The following DNAH12 variants were observed in gnomAD, a reference collection of about 807,000 sequenced individuals.
DNAH12 encodes the protein axonemal beta dynein heavy chain 12.
A neutral mutation model predicts 371.5 loss-of-function variants in DNAH12; 285 were observed. The ratio of observed to expected loss-of-function variants is 0.77; its 90% CI spans 0.70 to 0.85. The LOEUF is 0.85. DNAH12 is among the 40% of genes least tolerant of loss of function. The probability of loss-of-function intolerance (pLI) is 0.00; values close to 1 mark genes in which losing one functional copy is unlikely to be tolerated. For missense variants in DNAH12, 3,611 were observed against 3,689.4 expected (o/e 0.98, Z 0.55); for synonymous variants, 1,200 against 1,213.0 (o/e 0.99, Z 0.22).
chr3:57,374,797 A>G (rs1283581116), intron 55 of DNAH12, among the ~76,000 whole-genome samples: 14 of 152,132 alleles, frequency 9.2e-5, no homozygotes, highest in African/African-American at 3.4e-4. Context: ...ACCCAATAAC[A>G]TATACATTAT....
At chr3:57,439,782 T>C (rs1049923876) in intron 29 of DNAH12, among the ~76,000 whole-genome samples, 8 of 151,888 alleles carry the variant, frequency 5.3e-5, no homozygotes, top group African/African-American at 1.9e-4. Context: ...ATTCACAAAT[T>C]ATGCATCCAG....
At chr3:57,316,092 T>A (rs1363146323) in intron 65 of DNAH12, among the ~76,000 whole-genome samples, 2 of 151,824 alleles carry the variant, frequency 1.3e-5, no homozygotes, top group Non-Finnish European at 2.9e-5. Context: ...AAAAAACTTT[T>A]AAACATTAAA....
At position 57,323,501 on chromosome 3, in the gene DNAH12, A is replaced by C; in HGVS notation, c.10097T>G (p.Phe3366Cys). ...AGGATCTGCTCCTGGAGATAGAACA[A>C]AAATTAAGGGAATGGTGCAATTTGA... ...LDSNCTIPLI[F>C]VLSPGADPMA... The change falls in exon 63 of 74, where the codon TTT becomes TGT. Residue 3366 changes from phenylalanine (F) to cysteine (C), a missense_variant. By Grantham distance (205) the Phe-to-Cys change is radical. Coordinates refer to ENST00000495027, the MANE Select transcript of DNAH12 (RefSeq NM_001366028.2). 1 of 1,550,510 alleles carries C rather than the reference A, an allele frequency of 6.4e-7. No individual in the cohort carries two copies. The highest frequency in any genetic ancestry group is 8.7e-7 in the Non-Finnish European group (1 of 1,146,660).
intron 35 of DNAH12, among the ~76,000 whole-genome samples, chr3:57,423,964 C>T (rs902047303): frequency 2.0e-5 from 3 of 151,802 alleles, no homozygotes; most frequent in Admixed American, 2.0e-4. Flanking sequence ...GTCTCGAACT[C>T]CTGACCTCAA....
At chr3:57,386,110 A>G (rs1283836720) in intron 47 of DNAH12, among the ~76,000 whole-genome samples, 12 of 152,316 alleles carry the variant, frequency 7.9e-5, no homozygotes, top group African/African-American at 2.6e-4. Flanking sequence ...CAAATCTTAT[A>G]TTTAACCAGC....
chr3:57,354,917 G>T (rs1173773349), intron 59 of DNAH12, among the ~76,000 whole-genome samples: 3 of 152,154 alleles, frequency 2.0e-5, no homozygotes, highest in Non-Finnish European at 4.4e-5. Flanking sequence ...AATTTTTGAA[G>T]TAACAAAAGC....
At chr3:57,537,486 A>T (rs748034281) in intron 2 of DNAH12, among the ~76,000 whole-genome samples, 40 of 151,650 alleles carry the variant, frequency 2.6e-4, no homozygotes, top group Non-Finnish European at 1.2e-4. Flanking sequence ...TTTACATCCT[A>T]CCTCACCCCA....
rs144078202 is a variant in DNAH12 at position 57,455,208 on chromosome 3, T to C, written c.3337-314A>G. Among the ~76,000 whole-genome samples the C allele has an allele frequency of 1.7e-3, 266 of 152,160 alleles. 1 individual carries two copies. The highest frequency in any genetic ancestry group is 6.2e-3 in the African/African-American group (256 of 41,532). On this transcript the variant is annotated intron_variant, in intron 22 of 73. Coordinates refer to ENST00000495027, the MANE Select transcript of DNAH12 (RefSeq NM_001366028.2). ...CCTTTGCTGTGGAGAGTTGTCAAGTTTTCTATATAGAATACCTATTACTTC... is the reference window on the plus strand; with the variant it reads ...CCTTTGCTGTGGAGAGTTGTCAAGTCTTCTATATAGAATACCTATTACTTC...
chr3:57,441,152 GATTAT>G (rs1411321112), intron 29 of DNAH12, among the ~76,000 whole-genome samples: 1 of 152,076 alleles, frequency 6.6e-6, no homozygotes, highest in Non-Finnish European at 1.5e-5. Flanking sequence ...AAAAAGAATA[GATTAT>G]AAGATAGAAA....
At chr3:57,385,060 C>G (rs1451690137) in intron 48 of DNAH12, 55 bp from the exon 49 acceptor site, 2 of 152,138 alleles carry the variant, frequency 1.3e-5, no homozygotes, top group Non-Finnish European at 2.9e-5. Flanking sequence ...CTTTCTCAAT[C>G]CTAGACAAAA....
chr3:57,525,154 CA>C (rs5849213), intron 2 of DNAH12, among the ~76,000 whole-genome samples: 14,767 of 109,412 alleles, frequency 0.13, 1,649 homozygotes, highest in African/African-American at 0.35. Flanking sequence ...AGAGGAGAAA[CA>C]AAAAAAAAAA....
At chr3:57,525,911 G>C (rs2068631449) in intron 2 of DNAH12, among the ~76,000 whole-genome samples, 1 of 151,498 alleles carries the variant, frequency 6.6e-6, no homozygotes, top group Non-Finnish European at 1.5e-5. Flanking sequence ...ATAGGCTCAG[G>C]CTACCAGGCC....
At chr3:57,353,500 G>T (rs1048627610) in intron 59 of DNAH12, among the ~76,000 whole-genome samples, 1 of 151,974 alleles carries the variant, frequency 6.6e-6, no homozygotes, top group African/African-American at 2.4e-5. Flanking sequence ...TCACTATGTT[G>T]CCCAGGCTGT....
At chr3:57,440,483 A>G (rs992674916) in intron 29 of DNAH12, among the ~76,000 whole-genome samples, 1 of 152,208 alleles carries the variant, frequency 6.6e-6, no homozygotes, top group Non-Finnish European at 1.5e-5. Flanking sequence ...CTGGGTACTC[A>G]TGAACATAAT....
At chr3:57,312,586 C>G (rs948738686) in intron 66 of DNAH12, among the ~76,000 whole-genome samples, 1 of 152,166 alleles carries the variant, frequency 6.6e-6, no homozygotes, top group Non-Finnish European at 1.5e-5. Context: ...CGGATCCAGC[C>G]AATGCTGGCA....
chr3:57,516,168 A>T (rs1332469270), intron 4 of DNAH12, among the ~76,000 whole-genome samples: 1 of 141,984 alleles, frequency 7.0e-6, no homozygotes, highest in Admixed American at 7.7e-5. Context: ...GGTTCAAGTG[A>T]TGTTCCTGCC....
intron 19 of DNAH12, 26 bp downstream of exon 19, chr3:57,461,463 A>C: frequency 1.9e-6 from 3 of 1,548,176 alleles, no homozygotes; most frequent in Non-Finnish European, 2.6e-6. Flanking sequence ...TAAATGACCA[A>C]GAGCTGATTA....
intron 69 of DNAH12, among the ~76,000 whole-genome samples, chr3:57,303,342 A>G (rs1236311087): frequency 1.3e-5 from 2 of 149,678 alleles, no homozygotes; most frequent in East Asian, 3.9e-4. Flanking sequence ...GCCAGCTCAA[A>G]AAAAAAAAAA....
intron 4 of DNAH12, chr3:57,519,794 A>G (rs1026162594): frequency 6.7e-7 from 1 of 1,494,598 alleles, no homozygotes; most frequent in African/African-American, 1.4e-5. Flanking sequence ...ACCACAACAC[A>G]GTCCTCTTGT....
Sources: gnomAD v4.1 joint callset for allele counts (sites outside exome capture counted in the v4.1 genomes callset) on GRCh38, gnomAD v4.1.1 for gene constraint, MANE v1.5 for transcripts, NCBI Gene and HGNC (gene_info 2026-07-23, HGNC 2026-07-21) for gene names.